Variants in GRID1 observed in about 807,000 individuals in gnomAD.
The protein encoded by GRID1 is glutamate ionotropic receptor delta type subunit 1, also known as glutamate receptor ionotropic, delta-1.
In GRID1, 28 loss-of-function variants were observed where a neutral mutation model predicts 98.0. The ratio of observed to expected loss-of-function variants is 0.29; its 90% CI spans 0.21 to 0.39. GRID1 has a LOEUF of 0.39. Ranked by LOEUF, GRID1 falls within the 10% of genes least tolerant of loss-of-function variation. GRID1 has a pLI of 1.00. For synonymous variants in GRID1, 553 were observed against 538.5 expected (o/e 1.03, Z -0.37); for missense variants, 1,111 against 1,340.5 (o/e 0.83, Z 2.67).
intron 4 of GRID1, among the ~76,000 whole-genome samples, chr10:85,951,763 G>C (rs1475508185): frequency 1.3e-5 from 2 of 152,118 alleles, no homozygotes; most frequent in South Asian, 2.1e-4. Flanking sequence ...CGCAGGTGCT[G>C]GCTAAAGGCT....
At chr10:85,867,919 T>C (rs920078083) in intron 6 of GRID1, among the ~76,000 whole-genome samples, 2 of 152,230 alleles carry the variant, frequency 1.3e-5, no homozygotes, top group African/African-American at 4.8e-5. Flanking sequence ...TATGAGATTA[T>C]AGAGTAGATT....
At chr10:86,067,414 C>T (rs192459323) in intron 4 of GRID1, among the ~76,000 whole-genome samples, 86 of 152,232 alleles carry the variant, frequency 5.6e-4, no homozygotes, top group Middle Eastern at 3.4e-3. Flanking sequence ...CAAGGGACTG[C>T]GTAAGTAAAG....
intron 4 of GRID1, among the ~76,000 whole-genome samples, chr10:86,099,897 T>C (rs975877174): frequency 1.3e-5 from 2 of 152,158 alleles, no homozygotes; most frequent in Non-Finnish European, 2.9e-5. Context: ...GGCTTCCAGA[T>C]AACTGGGAGG....
intron 8 of GRID1, among the ~76,000 whole-genome samples, chr10:85,776,973 A>C (rs1448270197): frequency 1.3e-5 from 2 of 152,216 alleles, no homozygotes; most frequent in Non-Finnish European, 2.9e-5. Flanking sequence ...AGCTACAACA[A>C]ACTGTGGTAT....
chr10:86,347,734 G>A (rs559402899), intron 2 of GRID1, among the ~76,000 whole-genome samples: 5 of 152,292 alleles, frequency 3.3e-5, no homozygotes, highest in Non-Finnish European at 5.9e-5. Flanking sequence ...TCTATTACAT[G>A]GCCTAATAAT....
At chr10:86,082,990 C>A (rs975281778) in intron 4 of GRID1, among the ~76,000 whole-genome samples, 11 of 152,238 alleles carry the variant, frequency 7.2e-5, no homozygotes, top group Admixed American at 6.5e-4. Context: ...TCCACTAGAC[C>A]AAGAGTTTCT....
intron 4 of GRID1, among the ~76,000 whole-genome samples, chr10:86,065,723 G>A (rs907154066): frequency 6.6e-6 from 1 of 152,234 alleles, no homozygotes; most frequent in Non-Finnish European, 1.5e-5. Flanking sequence ...GACTGACCAC[G>A]AGGCAGCCTC....
intron 3 of GRID1, among the ~76,000 whole-genome samples, chr10:86,201,014 C>T (rs1364717008): frequency 2.6e-5 from 4 of 152,172 alleles, no homozygotes; most frequent in Non-Finnish European, 5.9e-5. Context: ...TTTGGTCTAA[C>T]CTAATAAAGT....
At chr10:86,218,392 G>A (rs1846206301) in intron 2 of GRID1, among the ~76,000 whole-genome samples, 1 of 152,052 alleles carries the variant, frequency 6.6e-6, no homozygotes, top group African/African-American at 2.4e-5. Context: ...CCCACCCCAG[G>A]TGATTCATGC....
At chr10:86,250,689 GA>G (rs1255090668) in intron 2 of GRID1, among the ~76,000 whole-genome samples, 3 of 151,764 alleles carry the variant, frequency 2.0e-5, no homozygotes, top group African/African-American at 7.3e-5. Flanking sequence ...GGAGGTGGGG[GA>G]CAGCCCCCGC....
chr10:85,687,526 A>G (rs1841283506), intron 12 of GRID1, among the ~76,000 whole-genome samples: 1 of 152,128 alleles, frequency 6.6e-6, no homozygotes, highest in South Asian at 2.1e-4. Flanking sequence ...GCACTTTGGG[A>G]GGCTGAGGCA....
chr10:86,055,239 T>A (rs1433862060), intron 4 of GRID1, among the ~76,000 whole-genome samples: 7 of 152,210 alleles, frequency 4.6e-5, no homozygotes, highest in Non-Finnish European at 7.4e-5. Context: ...ACTGCATTAT[T>A]ATGGCAATAA....
intron 2 of GRID1, among the ~76,000 whole-genome samples, chr10:86,334,684 A>C (rs1848199310): frequency 6.6e-6 from 1 of 152,162 alleles, no homozygotes; most frequent in Non-Finnish European, 1.5e-5. Flanking sequence ...AGGGGAGAAA[A>C]ATGCAGTCCC....
intron 6 of GRID1, among the ~76,000 whole-genome samples, chr10:85,867,407 G>T (rs1006964567): frequency 6.6e-6 from 1 of 152,186 alleles, no homozygotes; most frequent in African/African-American, 2.4e-5. Context: ...AGACCCTGCA[G>T]GGAGTGAGAC....
intron 4 of GRID1, among the ~76,000 whole-genome samples, chr10:85,979,289 T>G (rs565007313): frequency 6.6e-6 from 1 of 151,520 alleles, no homozygotes; most frequent in Non-Finnish European, 1.5e-5. Flanking sequence ...GACCCAAGAG[T>G]GGTGAGGTCT....
At chr10:86,260,591 G>C (rs548835878) in intron 2 of GRID1, among the ~76,000 whole-genome samples, 1 of 152,322 alleles carries the variant, frequency 6.6e-6, no homozygotes, top group Admixed American at 6.5e-5. Flanking sequence ...CATCCTAGAA[G>C]GCTCAAGGCA....
intron 4 of GRID1, among the ~76,000 whole-genome samples, chr10:85,989,790 G>T (rs1257950226): frequency 2.6e-5 from 4 of 152,200 alleles, no homozygotes; most frequent in African/African-American, 9.7e-5. Flanking sequence ...TCATCTAACT[G>T]CTAGGATCTG....
chr10:85,758,471 T>C (rs1405851084), intron 8 of GRID1, among the ~76,000 whole-genome samples: 1 of 152,150 alleles, frequency 6.6e-6, no homozygotes, highest in African/African-American at 2.4e-5. Flanking sequence ...GGCCTCAGTT[T>C]TCCTCCACAT....
At chr10:85,736,015 G>C in intron 8 of GRID1, among the ~76,000 whole-genome samples, 1 of 139,008 alleles carries the variant, frequency 7.2e-6, no homozygotes, top group East Asian at 2.5e-4. Flanking sequence ...AGGAAGGAGG[G>C]AGGGAGGGAA....
Sources: gnomAD v4.1 joint callset for allele counts (sites outside exome capture counted in the v4.1 genomes callset) on GRCh38, gnomAD v4.1.1 for gene constraint, MANE v1.5 for transcripts, NCBI Gene and HGNC (gene_info 2026-07-23, HGNC 2026-07-21) for gene names.